The following LPIN1 variants were observed in gnomAD, a reference collection of about 807,000 sequenced individuals.
LPIN1 encodes phosphatidate phosphatase LPIN1.
A neutral mutation model predicts 107.5 loss-of-function variants in LPIN1; 71 were observed. The ratio of observed to expected loss-of-function variants is 0.66; its 90% CI spans 0.55 to 0.80. LPIN1 has a LOEUF of 0.80. Among genes scored for constraint, LPIN1 ranks in the 30% least tolerant of loss-of-function variants. The pLI is 0.00. For missense variants in LPIN1, 1,043 were observed against 1,160.6 expected (o/e 0.90, Z 1.47); for synonymous variants, 445 against 452.6 (o/e 0.98, Z 0.21).
At chr2:11,693,108 C>T (rs1047201331) in intron 1 of LPIN1, among the ~76,000 whole-genome samples, 3 of 151,766 alleles carry the variant, frequency 2.0e-5, no homozygotes, top group Non-Finnish European at 4.4e-5. Context: ...GCTAGAGAGT[C>T]GGAGAAATAG....
intron 7 of LPIN1, among the ~76,000 whole-genome samples, chr2:11,780,115 A>G (rs1264585658): frequency 6.6e-6 from 1 of 152,150 alleles, no homozygotes; most frequent in African/African-American, 2.4e-5. Context: ...TGCTGACCTC[A>G]AGTGACCCGC....
At chr2:11,760,710 G>T (rs1161975473) in intron 1 of LPIN1, among the ~76,000 whole-genome samples, 1 of 152,106 alleles carries the variant, frequency 6.6e-6, no homozygotes, top group African/African-American at 2.4e-5. Context: ...GGGAGACCAT[G>T]GGGAGGGGGA....
chr2:11,787,392 C>CTT (rs1219054361), intron 11 of LPIN1, among the ~76,000 whole-genome samples: 4,048 of 112,500 alleles, frequency 0.036, 442 homozygotes, highest in Non-Finnish European at 0.045. Context: ...CTTTTCTTTT[C>CTT]TTTTTCTTTT....
At chr2:11,800,219 C>T (rs1677458407) in intron 14 of LPIN1, among the ~76,000 whole-genome samples, 1 of 152,088 alleles carries the variant, frequency 6.6e-6, no homozygotes, top group African/African-American at 2.4e-5. Flanking sequence ...GCCACCATCC[C>T]AAAGCCCACC....
chr2:11,731,650 A>ACG (rs1665245211), intron 1 of LPIN1, among the ~76,000 whole-genome samples: 2 of 152,214 alleles, frequency 1.3e-5, no homozygotes, highest in Non-Finnish European at 2.9e-5. Context: ...GAATCACTAC[A>ACG]CGCTCTTTCA....
chr2:11,743,755 C>T (rs746966044), upstream of LPIN1, among the ~76,000 whole-genome samples: 1 of 152,188 alleles, frequency 6.6e-6, no homozygotes, highest in Non-Finnish European at 1.5e-5. This position sits in a 1 kb window ranked among gnomAD's most constrained non-coding sequence, Gnocchi z 4.7. Context: ...CCTGGGGGAT[C>T]AGCCAGTGTT....
At chr2:11,724,372 A>G in exon 1 of LPIN1, 2 of 986,092 alleles carry the variant, frequency 2.0e-6, no homozygotes, top group Non-Finnish European at 2.4e-6. Flanking sequence ...AGAGGGAGAG[A>G]GGATGGGAGG....
intron 1 of LPIN1, among the ~76,000 whole-genome samples, chr2:11,693,904 G>A (rs1376498271): frequency 3.1e-5 from 4 of 129,088 alleles, no homozygotes; most frequent in East Asian, 5.4e-4. Flanking sequence ...GCAAGATCCC[G>A]GCTCACTGGA....
intron 1 of LPIN1, among the ~76,000 whole-genome samples, chr2:11,734,206 T>A (rs1251101038): frequency 7.4e-4 from 113 of 152,290 alleles, no homozygotes; most frequent in African/African-American, 2.6e-3. Flanking sequence ...ACTTTTCTTC[T>A]GTCCTCACTC....
chr2:11,771,313 C>G lies in LPIN1; in HGVS notation c.289-59C>G. On this transcript the variant is annotated intron_variant, in intron 3 of 20. Coordinates refer to ENST00000674199, the MANE Select transcript of LPIN1 (RefSeq NM_001349206.2). The surrounding 1 kb of genome is among the most constrained non-coding windows in gnomAD (Gnocchi z 4.8). ...TGAATCCTGGAGGCCTCTGGCAAGG[C>G]CCTGCTTCTTATACCTGAATTAACG... 6.4e-7 allele frequency: 1 copy of G among 1,564,810 alleles called. No homozygotes were observed. Among genetic ancestry groups the G allele is most frequent in the Non-Finnish European group, 8.8e-7 (1 of 1,135,968 alleles).
intron 1 of LPIN1, among the ~76,000 whole-genome samples, chr2:11,689,358 C>T (rs1343849893): frequency 6.6e-6 from 1 of 152,130 alleles, no homozygotes; most frequent in African/African-American, 2.4e-5. Flanking sequence ...ACTTTTGAGG[C>T]TTAGTATATT....
chr2:11,744,384 G>A (rs1449883379), upstream of LPIN1, among the ~76,000 whole-genome samples: 1 of 152,198 alleles, frequency 6.6e-6, no homozygotes, highest in African/African-American at 2.4e-5. Flanking sequence ...TTTATCGCCT[G>A]GGAGTGCACT....
chr2:11,769,065 G>T (rs1671445145), intron 3 of LPIN1, among the ~76,000 whole-genome samples: 1 of 152,228 alleles, frequency 6.6e-6, no homozygotes, highest in Admixed American at 6.5e-5. Context: ...ACGTGTGTTT[G>T]ATTTTTCTTG....
chr2:11,694,272 G>C (rs1662459483), intron 1 of LPIN1, among the ~76,000 whole-genome samples: 1 of 152,202 alleles, frequency 6.6e-6, no homozygotes. Context: ...CCAAGAATGT[G>C]TGAAGAAACT....
At chr2:11,742,327 T>C (rs1161208537), upstream of LPIN1, among the ~76,000 whole-genome samples, 6 of 152,328 alleles carry the variant, frequency 3.9e-5, no homozygotes, top group East Asian at 1.9e-4. Flanking sequence ...TTTGCCTCTC[T>C]GGGCCTCAGT....
chr2:11,804,118 G>GC (rs1678237993), intron 15 of LPIN1, among the ~76,000 whole-genome samples: 1 of 151,988 alleles, frequency 6.6e-6, no homozygotes, highest in Non-Finnish European at 1.5e-5. Flanking sequence ...TTGAATCCTG[G>GC]CTAATGACTG....
rs184124063 is a variant in LPIN1, at chr2:11,752,678, G to A, written c.-10+6007G>A. ...GATCTCCTGACCTCGTGATCCGCCC[G>A]CCTCGGCCTCCCAAAGTGCTGGGAT... On this transcript the variant is annotated intron_variant, in intron 1 of 20. Coordinates refer to ENST00000674199, the MANE Select transcript of LPIN1 (RefSeq NM_001349206.2). 1.3e-3 allele frequency among the ~76,000 whole-genome samples: 204 copies of A among 151,770 alleles called. 2 individuals carry two copies. The East Asian group carries it at 0.032, about 24-fold the overall frequency.
At chr2:11,738,473 C>T (rs192712367) in intron 1 of LPIN1, among the ~76,000 whole-genome samples, 19 of 151,994 alleles carry the variant, frequency 1.3e-4, no homozygotes, top group East Asian at 5.8e-4. Context: ...GAGCCAGCAC[C>T]GCTGCTGGGG....
chr2:11,691,853 G>C (rs185679724), intron 1 of LPIN1, among the ~76,000 whole-genome samples: 31 of 152,348 alleles, frequency 2.0e-4, no homozygotes, highest in African/African-American at 7.2e-4. Context: ...TGCTGTGCTT[G>C]ATACACTATT....
Sources: gnomAD v4.1 joint callset for allele counts (sites outside exome capture counted in the v4.1 genomes callset) on GRCh38, gnomAD v4.1.1 for gene constraint, Gnocchi (gnomAD v3.1) non-coding constraint, MANE v1.5 for transcripts, NCBI Gene and HGNC (gene_info 2026-07-23, HGNC 2026-07-21) for gene names.